The following CSMD3 variants were observed in gnomAD, a reference collection of about 807,000 sequenced individuals.
CSMD3 encodes CUB and Sushi multiple domains 3.
A neutral mutation model predicts 435.2 loss-of-function variants in CSMD3; 177 were observed. That is an observed-to-expected ratio of 0.41 (90% confidence interval 0.36 to 0.46). CSMD3 has a LOEUF of 0.46. Among genes scored for constraint, CSMD3 ranks in the 20% least tolerant of loss-of-function variants. The pLI is 0.34. For missense variants in CSMD3, 4,265 were observed against 4,504.6 expected, an observed-to-expected ratio of 0.95 and a Z score of 1.52; for synonymous variants, 1,656 against 1,520.5, an observed-to-expected ratio of 1.09 and a Z score of -2.07.
intron 11 of CSMD3, among the ~76,000 whole-genome samples, chr8:112,845,778 G>C (rs2080300959): frequency 6.6e-6 from 1 of 152,030 alleles, no homozygotes; most frequent in African/African-American, 2.4e-5. Flanking sequence ...ATGGAAACCT[G>C]AGTGAGAGGG....
intron 11 of CSMD3, among the ~76,000 whole-genome samples, chr8:112,855,425 C>T (rs562443498): frequency 2.6e-5 from 4 of 152,208 alleles, no homozygotes; most frequent in African/African-American, 9.6e-5. Context: ...GGAAAATGTG[C>T]ATGATATTTT....
chr8:113,408,093 G>A (rs987811063), intron 1 of CSMD3, among the ~76,000 whole-genome samples: 2 of 152,010 alleles, frequency 1.3e-5, no homozygotes, highest in African/African-American at 2.4e-5. Flanking sequence ...ATCCCATAGA[G>A]ATTCTATACT....
In CSMD3 at chr8:112,976,154, G is replaced by A. The variant is rs1463218367; in HGVS notation, c.1031-6C>T. ...GTGGGTCAATGTAGAAGAACCTGTG[G>A]GACACAGTAGCACTAGATGCTAACT... On this transcript the variant is annotated splice_region_variant and splice_polypyrimidine_tract_variant and intron_variant, in intron 6 of 70. Transcript: ENST00000297405. The A allele has an allele frequency of 1.2e-6, 2 of 1,613,656 alleles. No individual in the cohort carries two copies. Among genetic ancestry groups the A allele is most frequent in the Non-Finnish European group, 1.7e-6 (2 of 1,179,764 alleles).
chr8:113,295,086 G>A (rs1055082735), intron 2 of CSMD3, among the ~76,000 whole-genome samples: 2 of 152,082 alleles, frequency 1.3e-5, no homozygotes, highest in African/African-American at 4.8e-5. Flanking sequence ...GGTACATGAT[G>A]TATTTTGAAA....
At chr8:112,310,617 T>C (rs1392421248) in intron 50 of CSMD3, 4 of 329,848 alleles carry the variant, frequency 1.2e-5, no homozygotes, top group Non-Finnish European at 2.4e-5. Flanking sequence ...TCAGTGTACT[T>C]GCCCATTCTT....
chr8:112,787,625 G>A (rs996047324), intron 13 of CSMD3, among the ~76,000 whole-genome samples: 2 of 152,142 alleles, frequency 1.3e-5, no homozygotes, highest in African/African-American at 4.8e-5. Flanking sequence ...GTGAGCTCCT[G>A]TCATTTGGAA....
rs558650284 is a variant in CSMD3, at chr8:112,888,824, G to A, written c.1634-29558C>T. On this transcript the variant is annotated intron_variant, in intron 10 of 70. Coordinates refer to ENST00000297405, the MANE Select transcript of CSMD3 (RefSeq NM_198123.2). ...TCCATAGGGCAGGAAGCAAGATGCA[G>A]AAGTCTACAGAGGCATGATGAGGTG... Among the ~76,000 whole-genome samples the A allele has an allele frequency of 2.6e-5, 4 of 151,742 alleles. No homozygotes were observed. The South Asian group carries it at 8.3e-4, about 31-fold the overall frequency.
chr8:112,301,434 C>A (rs73326612), intron 53 of CSMD3, among the ~76,000 whole-genome samples: 6,553 of 151,944 alleles, frequency 0.043, 232 homozygotes, highest in East Asian at 0.15. Context: ...TCAGTCATTA[C>A]CTTAAGCAAA....
intron 3 of CSMD3, among the ~76,000 whole-genome samples, chr8:113,177,781 G>T (rs2092368283): frequency 6.6e-6 from 1 of 151,882 alleles, no homozygotes; most frequent in Non-Finnish European, 1.5e-5. Context: ...GTTTTGGCTG[G>T]AAATATGTAT....
At chr8:112,805,491 G>A (rs1332986249) in intron 12 of CSMD3, among the ~76,000 whole-genome samples, 2 of 151,914 alleles carry the variant, frequency 1.3e-5, no homozygotes, top group Non-Finnish European at 2.9e-5. Context: ...AAAGACAAGT[G>A]GTAATTTTAT....
At chr8:112,420,620 A>AG (rs1563925145) in intron 32 of CSMD3, among the ~76,000 whole-genome samples, 2 of 152,176 alleles carry the variant, frequency 1.3e-5, no homozygotes, top group African/African-American at 4.8e-5. Context: ...TTTGTGAAAA[A>AG]AAATGAGTCT....
At chr8:112,378,647 A>G (rs1224450913) in intron 38 of CSMD3, among the ~76,000 whole-genome samples, 1 of 152,184 alleles carries the variant, frequency 6.6e-6, no homozygotes, top group African/African-American at 2.4e-5. Context: ...GATGATTACC[A>G]GAGGCTGACT....
chr8:113,339,614 G>A (rs535671584), intron 1 of CSMD3, among the ~76,000 whole-genome samples: 2 of 151,872 alleles, frequency 1.3e-5, no homozygotes, highest in South Asian at 4.2e-4. Context: ...TCTTTTATTG[G>A]GTGAATGTAT....
chr8:113,098,859 C>T lies in CSMD3; in HGVS notation c.814G>A (p.Val272Ile), dbSNP rs758856917. 5.6e-6 allele frequency: 9 copies of T among 1,612,298 alleles called. No homozygotes were observed. The highest frequency in any genetic ancestry group is 7.6e-6 in the Non-Finnish European group (9 of 1,178,598). The change falls in exon 5 of 71, where the codon GTA (valine) becomes ATA (isoleucine). Residue 272 changes from valine to isoleucine, a missense_variant. Physicochemically the swap from Val to Ile is conservative, Grantham distance 29 (BLOSUM62 3). Coordinates refer to ENST00000297405, the MANE Select transcript of CSMD3 (RefSeq NM_198123.2). ...HNNADCTWTI[V>I]AEPGDTISLI... ...GAAATTGTGTCCCCAGGCTCTGCTA[C>T]AATGGTCCAAGTGCAATCAGCATTG...
chr8:112,694,897 T>C (rs2076218916), intron 13 of CSMD3, among the ~76,000 whole-genome samples: 1 of 151,874 alleles, frequency 6.6e-6, no homozygotes, highest in African/African-American at 2.4e-5. Flanking sequence ...AGAAGACGGG[T>C]GATTTCTGCA....
At chr8:112,684,184 T>C (rs1586962290) in intron 15 of CSMD3, among the ~76,000 whole-genome samples, 1 of 152,156 alleles carries the variant, frequency 6.6e-6, no homozygotes, top group East Asian at 1.9e-4. Context: ...GATAGATAGA[T>C]GCATATACAT....
chr8:112,669,011 A>T (rs1586930783), intron 16 of CSMD3, among the ~76,000 whole-genome samples: 1 of 151,664 alleles, frequency 6.6e-6, no homozygotes, highest in African/African-American at 2.4e-5. Context: ...AAACCTAAAA[A>T]TATTATTATT....
In CSMD3 at chr8:112,406,569, G is replaced by T. The variant is rs1207558155; in HGVS notation, c.5764C>A (p.Pro1922Thr). 1 of 1,612,236 alleles carries T rather than the reference G, an allele frequency of 6.2e-7. No individual in the cohort carries two copies. The change falls in exon 35 of 71, where the codon CCC (proline) becomes ACC (threonine). Residue 1922 changes from proline (P) to threonine (T), a missense_variant. Pro to Thr is a conservative substitution (Grantham distance 38, BLOSUM62 -1). Coordinates refer to ENST00000297405, the MANE Select transcript of CSMD3 (RefSeq NM_198123.2). ...GSIAIRCETV[P>T]NSLAQWNDSL... ...TCATTCCACTGGGCCAAAGAATTGG[G>T]CACTGTTTCACACCTAATTGCTATG...
chr8:112,697,704 A>C (rs1317639081), intron 13 of CSMD3, among the ~76,000 whole-genome samples: 1 of 152,098 alleles, frequency 6.6e-6, no homozygotes, highest in Non-Finnish European at 1.5e-5. Context: ...AACGTTGTGC[A>C]CATGTACCCT....
Sources: gnomAD v4.1 joint callset for allele counts (sites outside exome capture counted in the v4.1 genomes callset) on GRCh38, gnomAD v4.1.1 for gene constraint, MANE v1.5 for transcripts, NCBI Gene and HGNC (gene_info 2026-07-23, HGNC 2026-07-21) for gene names.